The following MTA3 variants were observed in gnomAD, a reference collection of about 807,000 sequenced individuals.
MTA3 encodes metastasis-associated protein MTA3.
A neutral mutation model predicts 83.5 loss-of-function variants in MTA3; 34 were observed. The ratio of observed to expected loss-of-function variants is 0.41; its 90% confidence interval spans 0.31 to 0.54. MTA3 has a LOEUF of 0.54. MTA3 is among the 20% of genes least tolerant of loss of function. MTA3 has a pLI of 0.33. For missense variants in MTA3, 761 were observed against 726.4 expected, an observed-to-expected ratio of 1.05 and a Z score of -0.55; for synonymous variants, 303 against 252.7, an observed-to-expected ratio of 1.20 and a Z score of -1.89.
In MTA3 at chr2:42,707,956, T is replaced by C; in HGVS notation, c.1204T>C (p.Leu402=). ...GGGCCCACCTAATATGCAGTGTAGA[T>C]TATGTGCAATTTGTTGGCTTTATTG... ...SWGPPNMQCR[L]CAICWLYWKK... is the part of the protein sequence containing the mutation. Residue 402 remains leucine, a synonymous_variant, in exon 13 of 17, where the codon TTA becomes CTA. Coordinates refer to ENST00000405094, the MANE Select transcript of MTA3 (RefSeq NM_001330442.2). The C allele has an allele frequency of 6.2e-7, 1 of 1,613,468 alleles. No individual in the cohort carries two copies. The highest frequency in any genetic ancestry group is 8.5e-7 in the Non-Finnish European group (1 of 1,179,764).
intron 2 of MTA3, among the ~76,000 whole-genome samples, chr2:42,575,377 C>T (rs1325183390): frequency 1.3e-5 from 2 of 152,170 alleles, no homozygotes; most frequent in African/African-American, 4.8e-5. Context: ...TAGTGGCTGG[C>T]ACATAGTTAA....
At chr2:42,682,008 A>C (rs1691976393) in intron 8 of MTA3, among the ~76,000 whole-genome samples, 1 of 152,058 alleles carries the variant, frequency 6.6e-6, no homozygotes, top group African/African-American at 2.4e-5. Context: ...GGAGTTCGAG[A>C]CCAGCCTGGG....
At chr2:42,712,932 C>T (rs1238653441) in intron 14 of MTA3, 2 of 151,996 alleles carry the variant, frequency 1.3e-5, no homozygotes, top group Non-Finnish European at 2.9e-5. Flanking sequence ...GGGAGAATGA[C>T]GTTCCTCTGT....
chr2:42,639,977 C>CT (rs1687559316), intron 4 of MTA3, among the ~76,000 whole-genome samples, 196 bp from the exon 5 acceptor site: 1 of 152,080 alleles, frequency 6.6e-6, no homozygotes. Context: ...CAAGAAATGC[C>CT]TATAAAGACA....
intron 11 of MTA3, among the ~76,000 whole-genome samples, chr2:42,701,291 CAAAAAA>C (rs35602598): frequency 1.4e-5 from 1 of 69,798 alleles, no homozygotes; most frequent in African/African-American, 6.4e-5. Context: ...GACCCTGCCT[CAAAAAA>C]AAAAAAAAAA....
intron 3 of MTA3, among the ~76,000 whole-genome samples, chr2:42,588,630 T>TAAA (rs1000084665): frequency 7.2e-5 from 11 of 152,144 alleles, no homozygotes; most frequent in African/African-American, 2.4e-4. Flanking sequence ...AGAAGCAAAG[T>TAAA]AAAAAGGTTT....
intron 16 of MTA3, among the ~76,000 whole-genome samples, chr2:42,740,139 C>T (rs887784883): frequency 6.6e-6 from 1 of 152,224 alleles, no homozygotes. Context: ...TGACTTTGCC[C>T]AGATCCATCA....
At chr2:42,705,583 G>A (rs1234037493) in intron 12 of MTA3, among the ~76,000 whole-genome samples, 1 of 152,146 alleles carries the variant, frequency 6.6e-6, no homozygotes, top group Non-Finnish European at 1.5e-5. Context: ...GCATGCACCT[G>A]TAATCCCAGC....
At position 42,756,309 on chromosome 2, in the gene MTA3, G is replaced by A; in HGVS notation, c.*2910G>A. ...AACATTTCCCCAGGCAGAGAGAGGG[G>A]GCCCCAGCCTCTCCCCTCCTCTTGG... On this transcript the variant is annotated 3_prime_UTR_variant, in exon 17 of 17. Coordinates refer to ENST00000405094, the MANE Select transcript of MTA3 (RefSeq NM_001330442.2). The A allele has an allele frequency of 6.1e-6, 2 of 325,452 alleles. No individual in the cohort carries two copies. Among genetic ancestry groups the A allele is most frequent in the Non-Finnish European group, 8.8e-6 (2 of 226,546 alleles). 20.2% of individuals were successfully genotyped at this position (325,452 alleles called of 1,614,324 possible). A position where few individuals can be genotyped will look rare whatever the true frequency, so the allele number is the denominator to read the frequency against.
At chr2:42,605,884 A>T (rs1202256132) in intron 3 of MTA3, among the ~76,000 whole-genome samples, 72 of 85,046 alleles carry the variant, frequency 8.5e-4, no homozygotes, top group East Asian at 1.7e-3. Context: ...TTGGCCGGGC[A>T]GAGGGGCTCC....
intron 2 of MTA3, among the ~76,000 whole-genome samples, chr2:42,529,357 A>G (rs547334057): frequency 6.6e-6 from 1 of 152,086 alleles, no homozygotes; most frequent in Non-Finnish European, 1.5e-5. Context: ...TTCTAGACCA[A>G]AGGAATTGGC....
At position 42,529,493 on chromosome 2, in the gene MTA3, T is replaced by C. The variant is rs1675861445; in HGVS notation, c.-141+34239T>C. On this transcript the variant is annotated intron_variant, in intron 2 of 17. Coordinates refer to the MTA3 transcript ENST00000405592. Reference sequence around the variant, plus strand: ...TGAGAGCCAAGAGAGAAAGACCTTCTGCACCTCACCTTGTCCTGTACCCTC... The same window carrying C: ...TGAGAGCCAAGAGAGAAAGACCTTCCGCACCTCACCTTGTCCTGTACCCTC... 2.0e-5 allele frequency among the ~76,000 whole-genome samples: 3 copies of C among 152,364 alleles called. No individual in the cohort carries two copies. In the South Asian group the frequency reaches 6.2e-4, roughly 32 times the overall value.
chr2:42,753,699 C>T lies in MTA3; in HGVS notation c.*300C>T, dbSNP rs561753073. ...CCCCTCCACCTCCTCCCTTCTGCAG[C>T]GCCCTGCGCCCCACCCAGCAACAGC... On this transcript the variant is annotated 3_prime_UTR_variant, in exon 17 of 17. Transcript: ENST00000405094. 4.4e-5 allele frequency: 54 copies of T among 1,224,450 alleles called. No individual in the cohort carries two copies. The African/African-American group carries it at 6.5e-4, about 15-fold the overall frequency. The allele number at this position is 1,224,450 out of a possible 1,614,324, so 75.8% of individuals were successfully genotyped here. A position where few individuals can be genotyped will look rare whatever the true frequency, so the allele number is the denominator to read the frequency against.
At chr2:42,548,897 G>A (rs1331744453) in intron 2 of MTA3, among the ~76,000 whole-genome samples, 12 of 72,924 alleles carry the variant, frequency 1.6e-4, no homozygotes, top group Admixed American at 9.8e-4. Context: ...ATATATCAGC[G>A]GGCACGGTGG....
chr2:42,617,619 A>C (rs1023435367), intron 4 of MTA3, among the ~76,000 whole-genome samples: 2 of 151,842 alleles, frequency 1.3e-5, no homozygotes, highest in African/African-American at 2.4e-5. Context: ...TCTACTAAAA[A>C]TACAAAATTA....
intron 15 of MTA3, among the ~76,000 whole-genome samples, chr2:42,722,639 T>TTTTGTTTTTGC (rs1481454222): frequency 6.6e-5 from 10 of 152,120 alleles, no homozygotes; most frequent in African/African-American, 2.4e-4. Context: ...TGGCTTTTTG[T>TTTTGTTTTTGC]TTTGTTTTTG....
At chr2:42,525,313 C>T (rs1202667266) in intron 2 of MTA3, among the ~76,000 whole-genome samples, 1 of 152,010 alleles carries the variant, frequency 6.6e-6, no homozygotes, top group Non-Finnish European at 1.5e-5. Context: ...AATTCTCGTG[C>T]CTCAGCCTCC....
At chr2:42,635,890 G>T (rs970226288) in intron 4 of MTA3, among the ~76,000 whole-genome samples, 1 of 151,800 alleles carries the variant, frequency 6.6e-6, no homozygotes, top group Non-Finnish European at 1.5e-5. Context: ...CACAGCCTCC[G>T]CAGTAGCTGG....
rs186561945 is a variant in MTA3 at position 42,627,623 on chromosome 2, G to A, written c.318-12550G>A. ...CTGTCTCTCAGGTTGGAGTGCAGTG[G>A]TGTCATCTTGGCTCACTGCAACCTC... is the stretch of plus-strand genomic sequence containing the variant. On this transcript the variant is annotated intron_variant, in intron 4 of 16. Transcript: ENST00000405094. Among the ~76,000 whole-genome samples, 558 of 151,546 alleles carry A rather than the reference G, an allele frequency of 3.7e-3. 6 individuals carry two copies. The highest frequency in any genetic ancestry group is 0.013 in the African/African-American group (532 of 41,300).
Sources: gnomAD v4.1 joint callset for allele counts (sites outside exome capture counted in the v4.1 genomes callset) on GRCh38, gnomAD v4.1.1 for gene constraint, MANE v1.5 for transcripts, NCBI Gene and HGNC (gene_info 2026-07-23, HGNC 2026-07-21) for gene names.